SLC38A2: variants seen among roughly 807,000 people sequenced by gnomAD.
SLC38A2 encodes the protein solute carrier family 38 member 2.
A neutral mutation model predicts 61.5 loss-of-function variants in SLC38A2; 11 were observed. The observed-to-expected ratio is 0.18, with a 90% CI of 0.11 to 0.30. SLC38A2 has a LOEUF of 0.30. SLC38A2 is among the 10% of genes least tolerant of loss of function. The pLI is 1.00. For synonymous variants in SLC38A2, 217 were observed against 212.5 expected (o/e 1.02, Z -0.18); for missense variants, 522 against 600.4 (o/e 0.87, Z 1.36).
chr12:46,371,199 G>A lies in SLC38A2; in HGVS notation c.95C>T (p.Thr32Ile), dbSNP rs747221265. 2.5e-6 allele frequency: 4 copies of A among 1,614,100 alleles called. No individual in the cohort carries two copies. Among genetic ancestry groups the A allele is most frequent in the African/African-American group, 2.7e-5 (2 of 74,938 alleles). Residue 32 changes from threonine (T) to isoleucine (I), a missense_variant, in exon 2 of 16, where the codon ACC (threonine) becomes ATC (isoleucine). This residue lies in a region of SLC38A2 where 102 missense variants were observed against 83.1 expected (regional missense o/e 1.23). Transcript: ENST00000256689. Reference sequence around the variant, plus strand: ...CCACCTTTTCAGAGCAGCTTGCTTGGTGGGGTAGGAGTAGTTGAAGTCGCT... The same window carrying A: ...CCACCTTTTCAGAGCAGCTTGCTTGATGGGGTAGGAGTAGTTGAAGTCGCT... Reference protein sequence around the residue: ...SNSDFNYSYPTKQAALKSHYA... With the variant: ...SNSDFNYSYPIKQAALKSHYA...
chr12:46,362,090 T>A (rs1238614510), intron 15 of SLC38A2, 194 bp downstream of exon 15: 1 of 509,348 alleles, frequency 2.0e-6, no homozygotes, highest in Non-Finnish European at 3.5e-6. Context: ...TTAATTTAAG[T>A]GTTCATTAGA....
rs11183450 is a variant in SLC38A2, at chr12:46,370,830, G to C, written c.144C>G (p.Asn48Lys). The stretch of plus-strand genomic sequence containing the variant: ...AATTCGATTCAAGTAAAAAGTTCTG[G>C]TTTTCAGGATCTACATCTGCATAAT... ...KSHYADVDPENQNFLLESNLG... is the reference protein window; with the variant it reads ...KSHYADVDPEKQNFLLESNLG... Residue 48 changes from asparagine to lysine, a missense_variant, in exon 3 of 16, where the codon AAC becomes AAG. Asn to Lys is a moderately conservative substitution (Grantham distance 94). This residue lies in a region of SLC38A2 where 102 missense variants were observed against 83.1 expected (regional missense o/e 1.23). Transcript: ENST00000256689. The C allele has an allele frequency of 6.2e-7, 1 of 1,612,276 alleles. No homozygotes were observed. The highest frequency in any genetic ancestry group is 2.2e-5 in the East Asian group (1 of 44,840).
intron 7 of SLC38A2, 80 bp from the exon 8 acceptor site, chr12:46,365,269 C>G: frequency 8.8e-7 from 1 of 1,134,724 alleles, no homozygotes; most frequent in South Asian, 1.3e-5. Flanking sequence ...GGACTCATTT[C>G]ATAGGAATAC....
chr12:46,363,111 A>G lies in SLC38A2; in HGVS notation c.1089T>C (p.Ser363=), dbSNP rs1220534104. Residue 363 remains serine, a synonymous_variant, in exon 13 of 16, where the codon TCT becomes TCC. Transcript: ENST00000256689. The part of the protein sequence containing the change: ...HVESELLHTY[S]SILGTDILLL... ...GAAGAATATCAGTTCCCAAGATAGA[A>G]GAGTAGGTATGAAGCAATTCTGACT... 28 of 1,613,088 alleles carry G rather than the reference A, an allele frequency of 1.7e-5. No homozygotes were observed. Among genetic ancestry groups the G allele is most frequent in the Non-Finnish European group, 2.4e-5 (28 of 1,179,180 alleles).
intron 15 of SLC38A2, chr12:46,361,930 TTCTC>T: frequency 5.7e-6 from 1 of 175,944 alleles, no homozygotes; most frequent in Non-Finnish European, 1.2e-5. Context: ...CAGCCCTTCC[TTCTC>T]TTTTATATAT....
intron 13 of SLC38A2, 56 bp downstream of exon 13, chr12:46,362,965 A>C (rs1308412159): frequency 2.5e-6 from 4 of 1,600,070 alleles, no homozygotes; most frequent in Non-Finnish European, 3.4e-6. Context: ...AATCTCACCA[A>C]TATTCACATG....
intron 4 of SLC38A2, among the ~76,000 whole-genome samples, chr12:46,370,107 G>A (rs975142307): frequency 6.6e-6 from 1 of 152,162 alleles, no homozygotes; most frequent in Non-Finnish European, 1.5e-5. Context: ...AGGGGCCACA[G>A]GTCCTTAAGA....
At chr12:46,369,935 G>A (rs921500236) in intron 4 of SLC38A2, among the ~76,000 whole-genome samples, 3 of 152,046 alleles carry the variant, frequency 2.0e-5, no homozygotes, top group Non-Finnish European at 4.4e-5. Context: ...TGTGGCAATC[G>A]AACAGGTCTG....
Position 46,372,663 on chromosome 12 carries a change from C to A in SLC38A2, c.-241G>T. 1 of 398,542 alleles carries A rather than the reference C, an allele frequency of 2.5e-6. No homozygotes were observed. Among genetic ancestry groups the A allele is most frequent in the Non-Finnish European group, 4.4e-6 (1 of 225,962 alleles). The allele number at this position is 398,542 out of a possible 1,614,324, so 24.7% of individuals were successfully genotyped here. On this transcript the variant is annotated 5_prime_UTR_variant, in exon 1 of 16. It adds an upstream start codon to the 5' untranslated region. Transcript: ENST00000256689. Reference sequence around the variant, plus strand: ...GAAAAGACAAATTGCCGCCCCAATCCTCCGGCGTCCGCCGTGTCAAGGGAA... The same window carrying A: ...GAAAAGACAAATTGCCGCCCCAATCATCCGGCGTCCGCCGTGTCAAGGGAA...
chr12:46,367,077 T>G lies in SLC38A2; in HGVS notation c.480A>C (p.Gly160=). The G allele has an allele frequency of 6.2e-7, 1 of 1,613,752 alleles. No individual in the cohort carries two copies. The highest frequency in any genetic ancestry group is 1.1e-5 in the South Asian group (1 of 91,068). Residue 160 remains glycine, a splice_region_variant and synonymous_variant, in exon 6 of 16, where the codon GGA becomes GGC. Transcript: ENST00000256689. The part of the protein sequence containing the change: ...ASGSITMQNI[G]AMSSYLFIVK... ...AATAATCTTTTGAAAAATTCTTACCTCCAATGTTCTGCATTGTAATTGATC... is the reference window on the plus strand; with the variant it reads ...AATAATCTTTTGAAAAATTCTTACCGCCAATGTTCTGCATTGTAATTGATC...
In SLC38A2 at chr12:46,358,497, T is replaced by TA. The variant is rs1473458571; in HGVS notation, c.*2613_*2614insT. On this transcript the variant is annotated 3_prime_UTR_variant, in exon 16 of 16. Transcript: ENST00000256689. The stretch of plus-strand genomic sequence containing the variant: ...ACCAAGATTTCATGAAAAAATTTGA[T>TA]GTTGTTTATTGCAAATACAATTTAA... The TA allele has an allele frequency of 1.3e-5, 2 of 152,674 alleles. No homozygotes were observed. Among genetic ancestry groups the TA allele is most frequent in the African/African-American group, 2.4e-5 (1 of 41,476 alleles). The allele number at this position is 152,674 out of a possible 1,614,324, so 9.5% of individuals were successfully genotyped here. A position where few individuals can be genotyped will look rare whatever the true frequency, so the allele number is the denominator to read the frequency against.
chr12:46,362,883 TA>T, intron 13 of SLC38A2, 137 bp downstream of exon 13: 1 of 1,142,882 alleles, frequency 8.7e-7, no homozygotes, highest in Non-Finnish European at 1.2e-6. Flanking sequence ...ACTGTATTTT[TA>T]AAAAGCCCCT....
intron 7 of SLC38A2, 49 bp downstream of exon 7, chr12:46,366,812 AACC>A: frequency 6.8e-7 from 1 of 1,469,970 alleles, no homozygotes; most frequent in East Asian, 2.3e-5. Flanking sequence ...AAATGTATCT[AACC>A]ACTTTTGACT....
chr12:46,360,031 T>C lies in SLC38A2; in HGVS notation c.*1080A>G, dbSNP rs1158012647. On this transcript the variant is annotated 3_prime_UTR_variant, in exon 16 of 16. Coordinates refer to ENST00000256689, the MANE Select transcript of SLC38A2 (RefSeq NM_018976.5). ...ATTGTCAAGTAATTCACACTTCCAG[T>C]AGGTGAGCATTTTGAAAAAGTGTAC... 6.6e-6 allele frequency: 1 copy of C among 152,634 alleles called. No individual in the cohort carries two copies. Among genetic ancestry groups the C allele is most frequent in the East Asian group, 1.9e-4 (1 of 5,198 alleles). The allele number at this position is 152,634 out of a possible 1,614,324, so 9.5% of individuals were successfully genotyped here. A position where few individuals can be genotyped will look rare whatever the true frequency, so the allele number is the denominator to read the frequency against.
chr12:46,366,454 G>A (rs1036979872), intron 7 of SLC38A2, among the ~76,000 whole-genome samples: 5 of 152,048 alleles, frequency 3.3e-5, no homozygotes, highest in Non-Finnish European at 7.4e-5. Flanking sequence ...TCAGATTAGG[G>A]ATGTCCAGCC....
intron 7 of SLC38A2, 121 bp from the exon 8 acceptor site, chr12:46,365,310 T>G (rs1276456795): frequency 1.2e-6 from 1 of 811,736 alleles, no homozygotes; most frequent in African/African-American, 1.7e-5. Flanking sequence ...AAAGACATGT[T>G]TGGAAAAAGT....
Position 46,360,478 on chromosome 12 carries a change from T to C in SLC38A2, c.*633A>G, listed in dbSNP as rs1482140287. ...TCATTACATCATTTTCTCTAAAAAT[T>C]ATTTTGGGTAAAAAAGTATTTGGCT... On this transcript the variant is annotated 3_prime_UTR_variant, in exon 16 of 16. Transcript: ENST00000256689. 4 of 152,214 alleles carry C rather than the reference T, an allele frequency of 2.6e-5. No homozygotes were observed. The highest frequency in any genetic ancestry group is 9.6e-5 in the African/African-American group (4 of 41,458). The allele number at this position is 152,214 out of a possible 1,614,324, so 9.4% of individuals were successfully genotyped here. A position where few individuals can be genotyped will look rare whatever the true frequency, so the allele number is the denominator to read the frequency against.
chr12:46,372,349 C>T, intron 1 of SLC38A2, 160 bp downstream of exon 1: 1 of 223,520 alleles, frequency 4.5e-6, no homozygotes, highest in African/African-American at 2.3e-5. Context: ...ACCCGCGCGG[C>T]GGGCCAGGGT....
At chr12:46,365,385 A>T in intron 7 of SLC38A2, 196 bp from the exon 8 acceptor site, 2 of 613,258 alleles carry the variant, frequency 3.3e-6, no homozygotes, top group Non-Finnish European at 5.8e-6. Context: ...TACTCAGGTT[A>T]GAAGTCGGGT....
Sources: allele counts gnomAD v4.1 joint callset (sites outside exome capture counted in the v4.1 genomes callset), GRCh38; gene constraint gnomAD v4.1.1; regional missense constraint gnomAD v4.1.1; transcripts MANE v1.5; gene names NCBI Gene and HGNC (gene_info 2026-07-23, HGNC 2026-07-21).